MVB12A: variants seen among roughly 807,000 people sequenced by gnomAD.
MVB12A encodes CIN85/CD2AP family binding protein.
Under a neutral mutation model 34.3 loss-of-function variants are expected in MVB12A, and 30 were observed. The ratio of observed to expected loss-of-function variants is 0.88; its 90% CI spans 0.65 to 1.19. The LOEUF (loss-of-function observed/expected upper bound fraction) is 1.19. Among genes scored for constraint, MVB12A ranks in the 50% most tolerant of loss-of-function variants. The pLI, the probability that MVB12A is intolerant of heterozygous loss-of-function variation, is 0.00. For synonymous variants in MVB12A, 158 were observed against 158.9 expected (o/e 0.99, Z 0.04); for missense variants, 355 against 369.2 (o/e 0.96, Z 0.31).
upstream of MVB12A, among the ~76,000 whole-genome samples, chr19:17,418,633 G>A (rs183867446): frequency 4.1e-4 from 62 of 151,524 alleles, no homozygotes; most frequent in African/African-American, 1.5e-3. Context: ...CAGATGATCC[G>A]CCCGCCTCGG....
In MVB12A at chr19:17,420,122, G is replaced by T; in HGVS notation, c.-14G>T. The stretch of plus-strand genomic sequence containing the variant: ...TGTGCCCCGCGACCCCGCCTTCGGC[G>T]CTCGGCTCGCAGGATGGATCCCGTA... On this transcript the variant is annotated 5_prime_UTR_variant, in exon 1 of 9. Coordinates refer to ENST00000317040, the MANE Select transcript of MVB12A (RefSeq NM_138401.4). 1.5e-6 allele frequency: 2 copies of T among 1,327,794 alleles called. No homozygotes were observed. Among genetic ancestry groups the T allele is most frequent in the Non-Finnish European group, 1.9e-6 (2 of 1,043,926 alleles). 82.3% of individuals were successfully genotyped at this position (1,327,794 alleles called of 1,614,324 possible). A position where few individuals can be genotyped will look rare whatever the true frequency, so the allele number is the denominator to read the frequency against.
Position 17,423,988 on chromosome 19 carries a change from C to G in MVB12A, c.641-18C>G, listed in dbSNP as rs1352520125. On this transcript the variant is annotated intron_variant, in intron 6 of 8. Coordinates refer to ENST00000317040, the MANE Select transcript of MVB12A (RefSeq NM_138401.4). ...AGTTCCCTACACCTCACCTCCTCCC[C>G]TCGCACGTGTTTTTCAGCCATGGAT... is the stretch of plus-strand genomic sequence containing the variant. The G allele has an allele frequency of 1.9e-6, 3 of 1,614,028 alleles. No individual in the cohort carries two copies. The highest frequency in any genetic ancestry group is 1.3e-5 in the African/African-American group (1 of 75,042).
rs536253465 is a variant in MVB12A, at chr19:17,420,070, G to T, written c.-66G>T. ...TTGTAGTTCGGTCGCGAGCGCTGCCGTCGGGAGGCGCTCCGAGGTTCGAGG... is the reference window on the plus strand; with the variant it reads ...TTGTAGTTCGGTCGCGAGCGCTGCCTTCGGGAGGCGCTCCGAGGTTCGAGG... On this transcript the variant is annotated 5_prime_UTR_variant, in exon 1 of 9. Coordinates refer to ENST00000317040, the MANE Select transcript of MVB12A (RefSeq NM_138401.4). 2 of 1,081,734 alleles carry T rather than the reference G, an allele frequency of 1.8e-6. No individual in the cohort carries two copies. Among genetic ancestry groups the T allele is most frequent in the Non-Finnish European group, 2.4e-6 (2 of 850,726 alleles). 67.0% of individuals were successfully genotyped at this position (1,081,734 alleles called of 1,614,324 possible).
chr19:17,420,514 G>T (rs1249570456), intron 2 of MVB12A, 24 bp from the exon 3 acceptor site: 1 of 1,596,146 alleles, frequency 6.3e-7, no homozygotes, highest in Non-Finnish European at 8.6e-7. Flanking sequence ...AGCCACCCTC[G>T]CCGTGTCCCC....
rs955342917 is a variant in MVB12A at position 17,420,550 on chromosome 19, A to T, written c.202A>T (p.Asn68Tyr). The T allele has an allele frequency of 6.2e-7, 1 of 1,613,486 alleles. No homozygotes were observed. Among genetic ancestry groups the T allele is most frequent in the Admixed American group, 1.7e-5 (1 of 59,970 alleles). ...CTTCCACCCCCAGAACCCGCAGGAG[A>T]ACGTGGTGGCCGATATCCAGATCGT... is the stretch of plus-strand genomic sequence containing the variant. ...SLGSLENPQE[N>Y]VVADIQIVVD... The change falls in exon 3 of 9, where the codon AAC becomes TAC. Residue 68 changes from asparagine (N) to tyrosine (Y), a missense_variant. Asn to Tyr is a moderately radical substitution (Grantham distance 143, BLOSUM62 -2). Transcript: ENST00000317040.
intron 8 of MVB12A, 25 bp downstream of exon 8, chr19:17,424,702 T>C: frequency 6.3e-7 from 1 of 1,595,764 alleles, no homozygotes; most frequent in Non-Finnish European, 8.6e-7. Context: ...AGGGAGGAGG[T>C]GGGTGCAGGG....
At chr19:17,422,490 C>A (rs768071815) in intron 4 of MVB12A, 32 bp downstream of exon 4, 1 of 1,580,584 alleles carries the variant, frequency 6.3e-7, no homozygotes, top group African/African-American at 1.3e-5. Context: ...TAGCCACCTT[C>A]CCTGCCCTCC....
intron 8 of MVB12A, 125 bp from the exon 9 acceptor site, chr19:17,424,806 C>G: frequency 1.5e-6 from 2 of 1,331,632 alleles, no homozygotes; most frequent in South Asian, 1.3e-5. Context: ...CAGACACACA[C>G]CATCTCTCCA....
At chr19:17,413,665 G>A (rs925010878) in intron 2 of MVB12A, among the ~76,000 whole-genome samples, 2 of 152,050 alleles carry the variant, frequency 1.3e-5, no homozygotes, top group African/African-American at 4.8e-5. Flanking sequence ...AGCCATGTTC[G>A]CATGACTGCA....
chr19:17,417,503 G>A (rs1458323349), upstream of MVB12A: 2 of 151,996 alleles, frequency 1.3e-5, no homozygotes, highest in African/African-American at 4.8e-5. Flanking sequence ...CTAATCTGGA[G>A]GCTGAGGCAG....
upstream of MVB12A, chr19:17,417,163 G>A (rs960094344): frequency 8.0e-5 from 17 of 211,552 alleles, no homozygotes; most frequent in Admixed American, 1.4e-4. Flanking sequence ...CCTTAGTGAC[G>A]TCAACCTGCT....
chr19:17,421,275 C>T (rs1263652736), intron 3 of MVB12A: 3 of 347,618 alleles, frequency 8.6e-6, no homozygotes, highest in Admixed American at 8.3e-5. Flanking sequence ...ACCTCCGACT[C>T]CCGGGTTCAA....
intron 8 of MVB12A, 61 bp downstream of exon 8, chr19:17,424,738 G>A: frequency 6.5e-7 from 1 of 1,537,052 alleles, no homozygotes; most frequent in East Asian, 2.3e-5. Flanking sequence ...CTGAGGGGCC[G>A]GCACCCGCCC....
intron 2 of MVB12A, among the ~76,000 whole-genome samples, chr19:17,413,874 T>C (rs965478223): frequency 2.0e-5 from 3 of 152,214 alleles, no homozygotes; most frequent in African/African-American, 7.2e-5. Context: ...GCCCTTGTCA[T>C]TTGATAAGTT....
Position 17,425,107 on chromosome 19 carries a change from C to T in MVB12A, c.*114C>T. 1 of 651,536 alleles carries T rather than the reference C, an allele frequency of 1.5e-6. No homozygotes were observed. Among genetic ancestry groups the T allele is most frequent in the Non-Finnish European group, 2.7e-6 (1 of 368,910 alleles). 40.4% of individuals were successfully genotyped at this position (651,536 alleles called of 1,614,324 possible). A position where few individuals can be genotyped will look rare whatever the true frequency, so the allele number is the denominator to read the frequency against. On this transcript the variant is annotated 3_prime_UTR_variant, in exon 9 of 9. Transcript: ENST00000317040. ...CCACTCACTGCATCCTGGGAACCTTCGCCCTGCAAGGCGTTTGCTATCTTC... is the reference window on the plus strand; with the variant it reads ...CCACTCACTGCATCCTGGGAACCTTTGCCCTGCAAGGCGTTTGCTATCTTC...
intron 2 of MVB12A, among the ~76,000 whole-genome samples, chr19:17,413,550 A>G (rs191550738): frequency 3.6e-4 from 55 of 151,890 alleles, no homozygotes; most frequent in East Asian, 2.5e-3. Flanking sequence ...CTGGTCTCCA[A>G]CTCCTGACCT....
At chr19:17,422,156 A>G in intron 3 of MVB12A, 176 bp from the exon 4 acceptor site, 15 of 326,134 alleles carry the variant, frequency 4.6e-5, no homozygotes, top group East Asian at 1.3e-4. Flanking sequence ...GCTGCATGGA[A>G]TCCCCTCCTT....
At chr19:17,408,002 A>G (rs1424493885) in intron 2 of MVB12A, among the ~76,000 whole-genome samples, 3 of 152,066 alleles carry the variant, frequency 2.0e-5, no homozygotes, top group Admixed American at 6.6e-5. Flanking sequence ...TTCTGGTCAC[A>G]CCTCACTATG....
Position 17,408,829 on chromosome 19 carries a change from C to CTTTTTTTT in MVB12A, c.-5+2544_-5+2551dup, listed in dbSNP as rs60162893. Among the ~76,000 whole-genome samples the CTTTTTTTT allele has an allele frequency of 1.7e-5, 2 of 120,708 alleles. 1 individual carries two copies. Among genetic ancestry groups the CTTTTTTTT allele is most frequent in the Non-Finnish European group, 3.2e-5 (2 of 61,840 alleles). 79.2% of individuals were successfully genotyped at this position (120,708 alleles called of 152,430 possible). ...AAAGTAATTGCGGTTTCTGCCATTA[C>CTTTTTTTT]TTTTTTTTTTTTTTTTTTGAGAGGG... On this transcript the variant is annotated intron_variant, in intron 2 of 6. Coordinates refer to the MVB12A transcript ENST00000528604.
Sources: gnomAD v4.1 joint callset for allele counts (sites outside exome capture counted in the v4.1 genomes callset) on GRCh38, gnomAD v4.1.1 for gene constraint, MANE v1.5 for transcripts, NCBI Gene and HGNC (gene_info 2026-07-23, HGNC 2026-07-21) for gene names.